Variants in ATP6V1C1 observed in about 807,000 individuals in gnomAD.
ATP6V1C1 encodes V-type proton ATPase subunit C 1.
Under a neutral mutation model 53.9 loss-of-function variants are expected in ATP6V1C1, and 45 were observed. The observed-to-expected ratio is 0.83, with a 90% CI of 0.66 to 1.07. ATP6V1C1 has a LOEUF of 1.07. ATP6V1C1 is among the 50% of genes least tolerant of loss of function. The pLI is 0.00. For synonymous variants in ATP6V1C1, 153 were observed against 155.2 expected, an observed-to-expected ratio of 0.99 and a Z score of 0.11; for missense variants, 315 against 440.3, an observed-to-expected ratio of 0.72 and a Z score of 2.55.
intron 6 of ATP6V1C1, 131 bp from the exon 7 acceptor site, chr8:103,053,753 A>G: frequency 1.6e-6 from 1 of 643,930 alleles, no homozygotes; most frequent in Non-Finnish European, 2.6e-6. Context: ...CTTACAAAGT[A>G]AAAATGTTGA....
chr8:103,055,494 G>A (rs1049209035), intron 7 of ATP6V1C1, among the ~76,000 whole-genome samples: 7 of 151,894 alleles, frequency 4.6e-5, no homozygotes, highest in African/African-American at 1.7e-4. Flanking sequence ...CCTTCATAAT[G>A]GCCACTGAGC....
At position 103,063,117 on chromosome 8, in the gene ATP6V1C1, T is replaced by C; in HGVS notation, c.735-18T>C. 2.5e-6 allele frequency: 4 copies of C among 1,612,032 alleles called. No individual in the cohort carries two copies. Among genetic ancestry groups the C allele is most frequent in the Non-Finnish European group, 3.4e-6 (4 of 1,178,498 alleles). On this transcript the variant is annotated intron_variant, in intron 9 of 12. Transcript: ENST00000518738. Reference sequence around the variant, plus strand: ...GTATACAATGTGAACAATTTTGTTTTTTTTCCCCCAAATTTAGATTCATTG... The same window carrying C: ...GTATACAATGTGAACAATTTTGTTTCTTTTCCCCCAAATTTAGATTCATTG...
intron 8 of ATP6V1C1, among the ~76,000 whole-genome samples, chr8:103,060,546 G>T (rs1817379396): frequency 6.6e-6 from 1 of 152,222 alleles, no homozygotes; most frequent in South Asian, 2.1e-4. Flanking sequence ...CATACCTGGA[G>T]ATCAGGAAAT....
chr8:103,048,304 A>G (rs1817140811), intron 3 of ATP6V1C1, among the ~76,000 whole-genome samples: 2 of 152,310 alleles, frequency 1.3e-5, no homozygotes, highest in South Asian at 4.1e-4. Flanking sequence ...CTTTTGCACC[A>G]ACCTAATAGT....
chr8:103,068,649 T>G lies in ATP6V1C1; in HGVS notation c.1054-3T>G. 1 of 1,587,878 alleles carries G rather than the reference T, an allele frequency of 6.3e-7. No individual in the cohort carries two copies. Among genetic ancestry groups the G allele is most frequent in the Non-Finnish European group, 8.6e-7 (1 of 1,167,586 alleles). On this transcript the variant is annotated splice_region_variant and splice_polypyrimidine_tract_variant and intron_variant, in intron 12 of 12. Transcript: ENST00000518738. Reference sequence around the variant, plus strand: ...ATTGAATAATTGTCTGTTTTTTCCATAGGCTCCTATGGATATTCCAGGTTT... The same window carrying G: ...ATTGAATAATTGTCTGTTTTTTCCAGAGGCTCCTATGGATATTCCAGGTTT...
chr8:103,035,111 G>A (rs1196677982), intron 1 of ATP6V1C1, among the ~76,000 whole-genome samples: 1 of 152,064 alleles, frequency 6.6e-6, no homozygotes, highest in Non-Finnish European at 1.5e-5. Flanking sequence ...AGTACAGATA[G>A]GTTCTTTATC....
intron 1 of ATP6V1C1, among the ~76,000 whole-genome samples, chr8:103,037,278 A>G (rs537845557): frequency 2.0e-4 from 31 of 152,252 alleles, no homozygotes; most frequent in African/African-American, 6.7e-4. Flanking sequence ...CACTTGCAAC[A>G]TTATGCAGTT....
chr8:103,046,972 C>T (rs914684479), intron 3 of ATP6V1C1, among the ~76,000 whole-genome samples: 1 of 152,062 alleles, frequency 6.6e-6, no homozygotes, highest in East Asian at 1.9e-4. Context: ...TATGGGTAAA[C>T]ATGCAACATT....
chr8:103,058,853 TG>T (rs1331855629), intron 8 of ATP6V1C1, among the ~76,000 whole-genome samples: 1 of 152,216 alleles, frequency 6.6e-6, no homozygotes, highest in Non-Finnish European at 1.5e-5. Context: ...AATGCAGCAA[TG>T]TGTATAAATG....
intron 8 of ATP6V1C1, among the ~76,000 whole-genome samples, chr8:103,060,835 G>C (rs1817383864): frequency 6.6e-6 from 1 of 152,120 alleles, no homozygotes; most frequent in African/African-American, 2.4e-5. Context: ...AATTTGCTGT[G>C]TCCCAGATCT....
chr8:103,031,385 G>C (rs948541619), intron 1 of ATP6V1C1, among the ~76,000 whole-genome samples: 4 of 152,124 alleles, frequency 2.6e-5, no homozygotes, highest in African/African-American at 9.7e-5. Context: ...AGTTCTGTAG[G>C]CTGTGCAAGC....
chr8:103,047,663 C>T (rs1189484517), intron 3 of ATP6V1C1, among the ~76,000 whole-genome samples: 3 of 152,318 alleles, frequency 2.0e-5, no homozygotes, highest in Admixed American at 1.3e-4. Flanking sequence ...CTAAGCTCCC[C>T]TACTTCTCGG....
At chr8:103,032,824 T>C (rs1816822484) in intron 1 of ATP6V1C1, among the ~76,000 whole-genome samples, 1 of 152,172 alleles carries the variant, frequency 6.6e-6, no homozygotes, top group East Asian at 1.9e-4. Context: ...ACTTAGAAAT[T>C]CTACTTTTAG....
chr8:103,067,831 C>CA (rs1182099110), intron 12 of ATP6V1C1, among the ~76,000 whole-genome samples: 2 of 151,956 alleles, frequency 1.3e-5, no homozygotes, highest in Non-Finnish European at 2.9e-5. Context: ...GTGATCCGCC[C>CA]ACCTCGGCCT....
In ATP6V1C1 at chr8:103,070,609, A is replaced by G. The variant is rs1817570806; in HGVS notation, c.*1862A>G. ...GACATTAAATTGACTTTTAAGAAAA[A>G]CATGTCACTAACCTGAAGCTCAGCC... is the stretch of plus-strand genomic sequence containing the variant. On this transcript the variant is annotated 3_prime_UTR_variant, in exon 13 of 13. Transcript: ENST00000518738. 1.3e-5 allele frequency: 2 copies of G among 152,208 alleles called. No homozygotes were observed. Among genetic ancestry groups the G allele is most frequent in the Non-Finnish European group, 2.9e-5 (2 of 68,042 alleles). The allele number at this position is 152,208 out of a possible 1,614,324, so 9.4% of individuals were successfully genotyped here.
At chr8:103,022,714 C>T (rs1288828688) in intron 1 of ATP6V1C1, among the ~76,000 whole-genome samples, 6 of 152,028 alleles carry the variant, frequency 3.9e-5, no homozygotes, top group Admixed American at 3.9e-4. Flanking sequence ...GACCTGAGAT[C>T]TGAAAAGAGA....
chr8:103,039,757 G>A (rs1452247124), intron 1 of ATP6V1C1, among the ~76,000 whole-genome samples: 2 of 152,136 alleles, frequency 1.3e-5, no homozygotes, highest in Non-Finnish European at 2.9e-5. Flanking sequence ...AGGAGGAAAA[G>A]AGATTATAGA....
At chr8:103,025,867 A>G (rs956229405) in intron 1 of ATP6V1C1, among the ~76,000 whole-genome samples, 2 of 152,246 alleles carry the variant, frequency 1.3e-5, no homozygotes, top group Non-Finnish European at 2.9e-5. Context: ...GTTGGAGAAA[A>G]CTAATCTTAA....
chr8:103,071,725 C>T lies in ATP6V1C1; in HGVS notation c.*2978C>T, dbSNP rs930474569. 3.2e-5 allele frequency: 5 copies of T among 154,248 alleles called. No individual in the cohort carries two copies. Among genetic ancestry groups the T allele is most frequent in the African/African-American group, 1.2e-4 (5 of 41,512 alleles). 9.6% of individuals were successfully genotyped at this position (154,248 alleles called of 1,614,324 possible). ...CTCGATTTCCTGGGCTCAAGCAATC[C>T]TCCCACCTCAGCCCCCAAGTAGCTG... On this transcript the variant is annotated 3_prime_UTR_variant, in exon 13 of 13. Transcript: ENST00000518738.
Sources: gnomAD v4.1 joint callset for allele counts (sites outside exome capture counted in the v4.1 genomes callset) on GRCh38, gnomAD v4.1.1 for gene constraint, MANE v1.5 for transcripts, NCBI Gene and HGNC (gene_info 2026-07-23, HGNC 2026-07-21) for gene names.